Variants in ABCC4 observed in about 807,000 individuals in gnomAD.
ABCC4 encodes the protein ATP binding cassette subfamily C member 4 (PEL blood group).
Under a neutral mutation model 168.5 loss-of-function variants are expected in ABCC4, and 102 were observed. That is an observed-to-expected ratio of 0.61 (90% CI 0.52 to 0.71). ABCC4 has a LOEUF of 0.71. ABCC4 is among the 30% of genes least tolerant of loss of function. The probability of loss-of-function intolerance (pLI) is 0.00; values close to 1 mark genes in which losing one functional copy is unlikely to be tolerated. For synonymous variants in ABCC4, 617 were observed against 590.7 expected (o/e 1.04, Z -0.65); for missense variants, 1,402 against 1,605.8 (o/e 0.87, Z 2.17).
At chr13:95,201,312 T>C (rs1427877203) in intron 8 of ABCC4, among the ~76,000 whole-genome samples, 1 of 152,198 alleles carries the variant, frequency 6.6e-6, no homozygotes, top group South Asian at 2.1e-4. Context: ...ATTTCTTCCC[T>C]AGCTGCATAT....
At chr13:95,215,355 C>G (rs2039081353) in intron 4 of ABCC4, among the ~76,000 whole-genome samples, 1 of 151,980 alleles carries the variant, frequency 6.6e-6, no homozygotes, top group Non-Finnish European at 1.5e-5. Flanking sequence ...GAGCCAAGAT[C>G]ACACCACTCC....
chr13:95,124,713 GA>G (rs59665124), intron 19 of ABCC4, among the ~76,000 whole-genome samples: 24 of 59,218 alleles, frequency 4.1e-4, no homozygotes, highest in South Asian at 1.0e-3. Flanking sequence ...TACTAAAAAC[GA>G]AAAAAAAAAA....
Position 95,087,694 on chromosome 13 carries a change from A to G in ABCC4, c.2536-4404T>C, listed in dbSNP as rs755048589. 7.9e-4 allele frequency among the ~76,000 whole-genome samples: 121 copies of G among 152,320 alleles called. 3 individuals carry two copies. Among genetic ancestry groups the G allele is most frequent in the Middle Eastern group, 3.4e-3 (1 of 294 alleles). On this transcript the variant is annotated intron_variant, in intron 20 of 30. Coordinates refer to ENST00000645237, the MANE Select transcript of ABCC4 (RefSeq NM_005845.5). ...AATAGAAGCAAAAGGGACAATATGGAAGACACTTAAATGTAAGCTCCTAAG... is the reference window on the plus strand; with the variant it reads ...AATAGAAGCAAAAGGGACAATATGGGAGACACTTAAATGTAAGCTCCTAAG...
At chr13:95,136,915 C>T (rs1362198637) in intron 19 of ABCC4, among the ~76,000 whole-genome samples, 2 of 152,230 alleles carry the variant, frequency 1.3e-5, no homozygotes, top group Non-Finnish European at 2.9e-5. Context: ...CACATTCGTG[C>T]AGAAAGCACA....
At chr13:95,148,834 C>G (rs1274735702) in intron 19 of ABCC4, 1 of 152,078 alleles carries the variant, frequency 6.6e-6, no homozygotes, top group African/African-American at 2.4e-5. Flanking sequence ...ATTTCAAACC[C>G]TAATCTCATC....
chr13:95,113,836 C>A (rs761728876), intron 20 of ABCC4, among the ~76,000 whole-genome samples: 1 of 152,098 alleles, frequency 6.6e-6, no homozygotes, highest in South Asian at 2.1e-4. Flanking sequence ...TTCCTGACAA[C>A]CATTTAAACA....
At chr13:95,178,407 G>A (rs1033936928) in intron 11 of ABCC4, among the ~76,000 whole-genome samples, 3 of 152,212 alleles carry the variant, frequency 2.0e-5, no homozygotes, top group South Asian at 2.1e-4. Flanking sequence ...TCCACAGTGA[G>A]TGACCTGACA....
At chr13:95,136,807 G>A (rs1407775655) in intron 19 of ABCC4, among the ~76,000 whole-genome samples, 1 of 152,230 alleles carries the variant, frequency 6.6e-6, no homozygotes, top group Non-Finnish European at 1.5e-5. Context: ...CCTAGGAAGT[G>A]CCTGGGAACA....
chr13:95,166,332 G>C lies in ABCC4; in HGVS notation c.1860C>G (p.Phe620Leu), dbSNP rs150730511. ...AGCCAAAATCTATACCAGATTTTAG[G>C]AACTCAGTGTAAGTCCCCTTCTGCA... ...KMVQKGTYTE[F>L]LKSGIDFGSL... The change falls in exon 15 of 31, where the codon TTC (phenylalanine) becomes TTG (leucine). Residue 620 changes from phenylalanine (F) to leucine (L), a missense_variant. Phe to Leu is a conservative substitution (Grantham distance 22). Coordinates refer to ENST00000645237, the MANE Select transcript of ABCC4 (RefSeq NM_005845.5). The C allele has an allele frequency of 6.2e-7, 1 of 1,613,352 alleles. No individual in the cohort carries two copies. Among genetic ancestry groups the C allele is most frequent in the East Asian group, 2.2e-5 (1 of 44,872 alleles).
chr13:95,188,346 A>C (rs918562306), intron 10 of ABCC4, 107 bp downstream of exon 10: 4 of 987,696 alleles, frequency 4.0e-6, no homozygotes, highest in Non-Finnish European at 6.5e-6. Context: ...TGCCGTGCCA[A>C]GTGTACCCAG....
chr13:95,275,459 GCT>G (rs1271489667), intron 1 of ABCC4, among the ~76,000 whole-genome samples: 2 of 152,160 alleles, frequency 1.3e-5, no homozygotes, highest in East Asian at 3.8e-4. Flanking sequence ...AGCCCTTGTG[GCT>G]CTGCGCCAGA....
chr13:95,242,827 C>A (rs558178306), intron 3 of ABCC4, among the ~76,000 whole-genome samples: 1 of 152,014 alleles, frequency 6.6e-6, no homozygotes, highest in East Asian at 1.9e-4. Flanking sequence ...GCTGGGAAAA[C>A]AATAGTATTT....
At chr13:95,031,790 C>T (rs1431974508) in intron 30 of ABCC4, among the ~76,000 whole-genome samples, 3 of 152,164 alleles carry the variant, frequency 2.0e-5, no homozygotes, top group Non-Finnish European at 4.4e-5. Context: ...CCTTAGTTTC[C>T]TCATCTGTAA....
At chr13:95,161,005 C>T (rs1212530557) in intron 19 of ABCC4, among the ~76,000 whole-genome samples, 184 bp downstream of exon 19, 1 of 150,740 alleles carries the variant, frequency 6.6e-6, no homozygotes, top group African/African-American at 2.4e-5. Context: ...CCCCCTCCCC[C>T]CGCATATTTA....
intron 9 of ABCC4, among the ~76,000 whole-genome samples, chr13:95,189,817 T>A (rs1480005870): frequency 1.3e-5 from 2 of 152,116 alleles, no homozygotes; most frequent in Non-Finnish European, 2.9e-5. Context: ...GTGTTACCCA[T>A]CCTGGGAAAA....
intron 4 of ABCC4, among the ~76,000 whole-genome samples, chr13:95,212,172 C>A (rs200922000): frequency 5.6e-3 from 693 of 123,052 alleles, no homozygotes; most frequent in Non-Finnish European, 7.3e-3. Flanking sequence ...GAGACTGTCT[C>A]AAAAAAAAAA....
At chr13:95,157,626 T>C (rs1242253387) in intron 19 of ABCC4, among the ~76,000 whole-genome samples, 1 of 152,198 alleles carries the variant, frequency 6.6e-6, no homozygotes, top group East Asian at 1.9e-4. Context: ...TTTATCCTGC[T>C]AGCTTAAGAT....
intron 1 of ABCC4, among the ~76,000 whole-genome samples, chr13:95,265,832 G>A (rs1205490909): frequency 1.6e-4 from 24 of 152,088 alleles, no homozygotes; most frequent in Admixed American, 1.6e-3. Flanking sequence ...ATATGTCTTA[G>A]CATGAAAATT....
intron 1 of ABCC4, among the ~76,000 whole-genome samples, chr13:95,258,080 T>C (rs1467395375): frequency 6.6e-6 from 1 of 152,108 alleles, no homozygotes; most frequent in Non-Finnish European, 1.5e-5. Context: ...ACAAGAACCC[T>C]TTCTCTCTAC....
Sources: allele counts gnomAD v4.1 joint callset (sites outside exome capture counted in the v4.1 genomes callset), GRCh38; gene constraint gnomAD v4.1.1; transcripts MANE v1.5; gene names NCBI Gene and HGNC (gene_info 2026-07-23, HGNC 2026-07-21).